The following INSC variants were observed in gnomAD, a reference collection of about 807,000 sequenced individuals.
INSC encodes the protein protein inscuteable homolog.
INSC carries 67 observed loss-of-function variants against 58.6 expected under a neutral mutation model. The ratio of observed to expected loss-of-function variants is 1.14; its 90% confidence interval spans 0.94 to 1.40. INSC has a LOEUF of 1.40. INSC is among the 40% of genes most tolerant of loss of function. The probability of loss-of-function intolerance (pLI) is 0.00; values close to 1 mark genes in which losing one functional copy is unlikely to be tolerated. For missense variants in INSC, 714 were observed against 692.0 expected (o/e 1.03, Z -0.36); for synonymous variants, 262 against 276.1 (o/e 0.95, Z 0.51).
intron 2 of INSC, among the ~76,000 whole-genome samples, chr11:15,156,665 C>T (rs1373294160): frequency 3.9e-5 from 6 of 152,160 alleles, no homozygotes; most frequent in African/African-American, 7.2e-5. Flanking sequence ...TATGTAATGC[C>T]GCTAGGCCTC....
At chr11:15,118,744 A>T (rs187878778) in intron 1 of INSC, among the ~76,000 whole-genome samples, 1 of 152,242 alleles carries the variant, frequency 6.6e-6, no homozygotes, top group Admixed American at 6.5e-5. Context: ...TTTAAGCTCA[A>T]CCAAGTGAAA....
chr11:15,153,711 A>G (rs11023455), intron 2 of INSC, among the ~76,000 whole-genome samples: 55,563 of 152,080 alleles, frequency 0.37, 10,442 homozygotes, highest in Middle Eastern at 0.41. Context: ...CTGGATTTAT[A>G]CTTTTGTACA....
intron 2 of INSC, among the ~76,000 whole-genome samples, chr11:15,152,647 T>C (rs1460760333): frequency 1.3e-5 from 2 of 152,316 alleles, no homozygotes; most frequent in East Asian, 3.9e-4. Context: ...TCATGAATTG[T>C]TTTTTGCTTA....
intron 6 of INSC, 125 bp from the exon 7 acceptor site, chr11:15,200,698 CG>C: frequency 8.7e-7 from 1 of 1,149,188 alleles, no homozygotes; most frequent in African/African-American, 1.5e-5. Flanking sequence ...GTGTGTGGGG[CG>C]GGGGTTGCTG....
chr11:15,218,155 T>C (rs777367559), intron 7 of INSC, among the ~76,000 whole-genome samples: 1 of 152,188 alleles, frequency 6.6e-6, no homozygotes, highest in Non-Finnish European at 1.5e-5. Context: ...GGAGAATGCA[T>C]AAATGAATTG....
intron 2 of INSC, among the ~76,000 whole-genome samples, chr11:15,168,008 C>T (rs914931100): frequency 1.3e-5 from 2 of 152,194 alleles, no homozygotes; most frequent in Non-Finnish European, 1.5e-5. Flanking sequence ...CTTCATCTTC[C>T]TTTGCCCATA....
intron 7 of INSC, among the ~76,000 whole-genome samples, chr11:15,214,440 A>T (rs1435635110): frequency 6.6e-6 from 1 of 152,230 alleles, no homozygotes; most frequent in Non-Finnish European, 1.5e-5. Context: ...CACATAAAAC[A>T]AAAACAAAAA....
intron 6 of INSC, among the ~76,000 whole-genome samples, chr11:15,198,093 C>G (rs980791360): frequency 2.0e-5 from 3 of 152,166 alleles, no homozygotes; most frequent in African/African-American, 7.2e-5. Context: ...TCTCCTCTCA[C>G]ATATCCTAGC....
At chr11:15,202,577 T>C (rs1272079138) in intron 7 of INSC, among the ~76,000 whole-genome samples, 3 of 152,188 alleles carry the variant, frequency 2.0e-5, no homozygotes, top group Non-Finnish European at 4.4e-5. Flanking sequence ...ATTCCCTCCC[T>C]TCTCCTATAA....
At chr11:15,260,517 A>C in the INSC span, among the ~76,000 whole-genome samples, 2 of 152,220 alleles carry the variant, frequency 1.3e-5, no homozygotes, top group African/African-American at 4.8e-5. Context: ...TTTATCTATG[A>C]AATGAGAATA....
intron 10 of INSC, among the ~76,000 whole-genome samples, chr11:15,236,651 G>C (rs1448982974): frequency 1.3e-5 from 2 of 152,222 alleles, no homozygotes; most frequent in East Asian, 1.9e-4. Flanking sequence ...TGGCTGCCTT[G>C]CAGCTGGGAG....
At chr11:15,163,270 G>A (rs1354542419) in intron 2 of INSC, among the ~76,000 whole-genome samples, 1 of 152,154 alleles carries the variant, frequency 6.6e-6, no homozygotes, top group African/African-American at 2.4e-5. Context: ...TGGGTAACAT[G>A]CCACTTAGTT....
chr11:15,112,649 G>GT (rs554895352), upstream of INSC: 10 of 545,830 alleles, frequency 1.8e-5, 2 homozygotes, highest in Admixed American at 1.3e-4. Flanking sequence ...TTGGGAAGTG[G>GT]GGGGGGGGCA....
chr11:15,241,349 G>T (rs1388273284), intron 12 of INSC, among the ~76,000 whole-genome samples: 3 of 152,170 alleles, frequency 2.0e-5, no homozygotes, highest in Admixed American at 2.0e-4. Flanking sequence ...TCACAGTAAA[G>T]TCCTCTCCTC....
At position 15,175,950 on chromosome 11, in the gene INSC, G is replaced by A. The variant is rs776484741; in HGVS notation, c.266G>A (p.Arg89His). ...KRGWVISTEL[R>H]RIGQKLAQDR... The stretch of plus-strand genomic sequence containing the variant: ...GGTTGGGTCATTAGCACAGAGCTGC[G>A]CAGGATCGGGCAGAAGCTGGCCCAG... The change falls in exon 3 of 13, where the codon CGC (arginine) becomes CAC (histidine). Residue 89 changes from arginine (R) to histidine (H), a missense_variant. Physicochemically the swap from Arg to His is conservative, Grantham distance 29. Coordinates refer to ENST00000379556, the MANE Select transcript of INSC (RefSeq NM_001042536.3). The A allele has an allele frequency of 1.9e-5, 30 of 1,613,912 alleles. 1 individual carries two copies. The highest frequency in any genetic ancestry group is 3.3e-4 in the Middle Eastern group (2 of 6,076).
At chr11:15,148,557 T>C (rs1848552545) in intron 1 of INSC, among the ~76,000 whole-genome samples, 1 of 152,188 alleles carries the variant, frequency 6.6e-6, no homozygotes. Context: ...CATGCCTATT[T>C]CTGAACCAAT....
intron 3 of INSC, 61 bp from the exon 4 acceptor site, chr11:15,177,050 C>A: frequency 7.7e-7 from 1 of 1,296,802 alleles, no homozygotes; most frequent in Non-Finnish European, 1.1e-6. Context: ...GTGCTCAGCA[C>A]AGCAGTTGGT....
At chr11:15,149,356 G>A (rs1000253986) in intron 2 of INSC, 126 bp downstream of exon 2, 13 of 941,708 alleles carry the variant, frequency 1.4e-5, no homozygotes, top group Middle Eastern at 3.6e-4. Flanking sequence ...GGAGGATGCC[G>A]AGCATAAGGT....
At chr11:15,242,621 C>A (rs563264797) in intron 12 of INSC, among the ~76,000 whole-genome samples, 1 of 152,320 alleles carries the variant, frequency 6.6e-6, no homozygotes, top group East Asian at 1.9e-4. Context: ...TAAGCCAGAA[C>A]ACCCTGAACT....
Sources: gnomAD v4.1 joint callset for allele counts (sites outside exome capture counted in the v4.1 genomes callset) on GRCh38, gnomAD v4.1.1 for gene constraint, MANE v1.5 for transcripts, NCBI Gene and HGNC (gene_info 2026-07-23, HGNC 2026-07-21) for gene names.